TRUB1: variants seen among roughly 807,000 people sequenced by gnomAD.
TRUB1 encodes the protein TruB pseudouridine synthase family member 1.
In TRUB1, 23 loss-of-function variants were observed where a neutral mutation model predicts 33.9. That is an observed-to-expected ratio of 0.68 (90% CI 0.49 to 0.96). The LOEUF (loss-of-function observed/expected upper bound fraction) is 0.96, where lower values mean the gene tolerates loss of function less well. TRUB1 is among the 40% of genes least tolerant of loss of function. TRUB1 has a pLI of 0.00. For missense variants in TRUB1, 378 were observed against 422.2 expected (o/e 0.90, Z 0.92); for synonymous variants, 163 against 165.4 (o/e 0.99, Z 0.11).
In TRUB1 at chr10:114,949,221, T is replaced by C. The variant is rs1034586929; in HGVS notation, c.386-1873T>C. The stretch of plus-strand genomic sequence containing the variant: ...TGTCACAGGTTTCTTTGTTTTTCCA[T>C]TGGAAGTATTCCTCTTGGGATTATG... On this transcript the variant is annotated intron_variant, in intron 2 of 7. Transcript: ENST00000298746. Among the ~76,000 whole-genome samples, 12 of 152,366 alleles carry C rather than the reference T, an allele frequency of 7.9e-5. 1 individual carries two copies. The highest frequency in any genetic ancestry group is 2.9e-4 in the African/African-American group (12 of 41,590).
chr10:114,947,470 A>G (rs1295129021), intron 2 of TRUB1, among the ~76,000 whole-genome samples: 2 of 152,262 alleles, frequency 1.3e-5, no homozygotes, highest in Admixed American at 6.5e-5. Flanking sequence ...TAGAGGTTAT[A>G]GAAACAGTGA....
intron 4 of TRUB1, among the ~76,000 whole-genome samples, chr10:114,967,710 A>G (rs554294724): frequency 1.3e-4 from 20 of 152,252 alleles, no homozygotes; most frequent in African/African-American, 3.8e-4. Flanking sequence ...TACTGTGGAC[A>G]TTTTATTCTG....
At chr10:114,954,646 CT>C (rs111623606) in intron 3 of TRUB1, among the ~76,000 whole-genome samples, 63 of 147,006 alleles carry the variant, frequency 4.3e-4, no homozygotes, top group Middle Eastern at 3.6e-3. Flanking sequence ...TTTCTCAAGT[CT>C]TTTTTTTTTT....
Position 114,974,339 on chromosome 10 carries a change from TGGA to T in TRUB1, c.753_755del (p.Gly252del). ...CTGTTAACATTCCAGATGTTGAATGTGGAGGAGGTTTTTATATCAGAAGCTTGG... is the reference window on the plus strand; with the variant it reads ...CTGTTAACATTCCAGATGTTGAATGTGGAGGTTTTTATATCAGAAGCTTGG... On this transcript the variant is annotated inframe_deletion, in exon 7 of 8. Transcript: ENST00000298746. The T allele has an allele frequency of 6.2e-7, 1 of 1,612,724 alleles. No individual in the cohort carries two copies. The highest frequency in any genetic ancestry group is 1.1e-5 in the South Asian group (1 of 91,006).
chr10:114,970,309 G>C, intron 4 of TRUB1, 59 bp from the exon 5 acceptor site: 1 of 1,234,292 alleles, frequency 8.1e-7, no homozygotes, highest in South Asian at 1.3e-5. Flanking sequence ...TTGGTGCTGT[G>C]AAAATAGTAC....
intron 7 of TRUB1, 139 bp from the exon 8 acceptor site, chr10:114,974,984 T>G: frequency 1.0e-6 from 1 of 959,074 alleles, no homozygotes; most frequent in Non-Finnish European, 1.5e-6. Flanking sequence ...CTGAGGCCTC[T>G]TGGTTCTTAT....
At chr10:114,953,865 C>T (rs1352260602) in intron 3 of TRUB1, among the ~76,000 whole-genome samples, 3 of 152,064 alleles carry the variant, frequency 2.0e-5, no homozygotes, top group Non-Finnish European at 4.4e-5. Context: ...AGCCAGATCT[C>T]GCGTGAACTC....
intron 4 of TRUB1, among the ~76,000 whole-genome samples, chr10:114,967,647 A>G (rs1365818724): frequency 6.6e-6 from 1 of 152,240 alleles, no homozygotes; most frequent in Admixed American, 6.5e-5. Context: ...GTCCTATGAC[A>G]CTTGTACCTC....
Position 114,975,452 on chromosome 10 carries a change from C to A in TRUB1, c.*73C>A. On this transcript the variant is annotated 3_prime_UTR_variant, in exon 8 of 8. Coordinates refer to ENST00000298746, the MANE Select transcript of TRUB1 (RefSeq NM_139169.5). ...TGTGCAGATGCAGAATGACAAGCTG[C>A]ATTCAAAAGACAAACAATATGTCTT... The A allele has an allele frequency of 2.9e-6, 4 of 1,358,470 alleles. No individual in the cohort carries two copies. The highest frequency in any genetic ancestry group is 1.8e-5 in the South Asian group (1 of 56,020). The allele number at this position is 1,358,470 out of a possible 1,614,324, so 84.2% of individuals were successfully genotyped here. A position where few individuals can be genotyped will look rare whatever the true frequency, so the allele number is the denominator to read the frequency against.
rs35333718 is a variant in TRUB1 at position 114,949,896 on chromosome 10, GT to G, written c.386-1179del. Among the ~76,000 whole-genome samples, 1,173 of 125,070 alleles carry G rather than the reference GT, an allele frequency of 9.4e-3. 11 individuals are homozygous for G. Among genetic ancestry groups the G allele is most frequent in the African/African-American group, 0.031 (1,016 of 32,346 alleles). The allele number at this position is 125,070 out of a possible 152,430, so 82.1% of individuals were successfully genotyped here. ...AGGGGTAATTATACTATCTTTTAAAGTTTTTTTTTTTTTTTTTTTGAGACAG... is the reference window on the plus strand; with the variant it reads ...AGGGGTAATTATACTATCTTTTAAAGTTTTTTTTTTTTTTTTTTGAGACAG... On this transcript the variant is annotated intron_variant, in intron 2 of 7. Coordinates refer to ENST00000298746, the MANE Select transcript of TRUB1 (RefSeq NM_139169.5).
chr10:114,941,871 G>C (rs923249849), intron 1 of TRUB1, among the ~76,000 whole-genome samples: 1 of 151,888 alleles, frequency 6.6e-6, no homozygotes, highest in South Asian at 2.1e-4. Flanking sequence ...TGCAAACTCC[G>C]CCTCCCAGGT....
chr10:114,945,832 G>C (rs1194562181), intron 2 of TRUB1, among the ~76,000 whole-genome samples: 1 of 152,154 alleles, frequency 6.6e-6, no homozygotes, highest in African/African-American at 2.4e-5. Flanking sequence ...TATTGTGAAG[G>C]GGCTGAGATT....
At chr10:114,967,890 T>A (rs1249074758) in intron 4 of TRUB1, among the ~76,000 whole-genome samples, 2 of 152,206 alleles carry the variant, frequency 1.3e-5, no homozygotes, top group East Asian at 3.9e-4. Flanking sequence ...GTAGGCTGCC[T>A]AGTAATTCAA....
intron 3 of TRUB1, among the ~76,000 whole-genome samples, chr10:114,955,237 T>A (rs1457853466): frequency 6.6e-6 from 1 of 152,250 alleles, no homozygotes; most frequent in East Asian, 1.9e-4. Flanking sequence ...GCCCCTCTTA[T>A]ATCTTCCCTA....
In TRUB1 at chr10:114,977,467, A is replaced by C. The variant is rs2084366822; in HGVS notation, c.*2088A>C. 2 of 152,028 alleles carry C rather than the reference A, an allele frequency of 1.3e-5. No individual in the cohort carries two copies. The highest frequency in any genetic ancestry group is 4.8e-5 in the African/African-American group (2 of 41,434). The allele number at this position is 152,028 out of a possible 1,614,324, so 9.4% of individuals were successfully genotyped here. A position where few individuals can be genotyped will look rare whatever the true frequency, so the allele number is the denominator to read the frequency against. ...GGGAGGGGGATTATTTAGTGAAATA[A>C]TATGAAGAACTTTATGACTTATGTT... On this transcript the variant is annotated 3_prime_UTR_variant, in exon 8 of 8. Transcript: ENST00000298746.
chr10:114,951,129 A>G lies in TRUB1; in HGVS notation c.421A>G (p.Ser141Gly), dbSNP rs146297259. The G allele has an allele frequency of 1.9e-6, 3 of 1,612,796 alleles. No homozygotes were observed. Among genetic ancestry groups the G allele is most frequent in the African/African-American group, 1.3e-5 (1 of 74,894 alleles). ...GIGSGTKMLT[S>G]MLSGSKRYTA... ...TGGAAGCGGAACAAAAATGTTGACC[A>G]GTATGTTGTCAGGGTCCAAGGTAAG... is the stretch of plus-strand genomic sequence containing the variant. The change falls in exon 3 of 8, where the codon AGT (serine) becomes GGT (glycine). Residue 141 changes from serine (S) to glycine (G), a missense_variant. Coordinates refer to ENST00000298746, the MANE Select transcript of TRUB1 (RefSeq NM_139169.5).
chr10:114,957,432 T>C (rs1235113818), intron 3 of TRUB1, among the ~76,000 whole-genome samples: 1 of 152,252 alleles, frequency 6.6e-6, no homozygotes, highest in Non-Finnish European at 1.5e-5. Flanking sequence ...CTGTGTATCC[T>C]TCCCTAGCAC....
chr10:114,945,154 T>C (rs1464562127), intron 2 of TRUB1, among the ~76,000 whole-genome samples: 1 of 152,218 alleles, frequency 6.6e-6, no homozygotes, highest in African/African-American at 2.4e-5. Flanking sequence ...AGTAACATGT[T>C]CACTGTCATA....
At position 114,974,119 on chromosome 10, in the gene TRUB1, GT is replaced by G. The variant is rs60294681; in HGVS notation, c.737-207del. 1.0e-2 allele frequency among the ~76,000 whole-genome samples: 1,518 copies of G among 152,252 alleles called. 30 individuals are homozygous for G. The highest frequency in any genetic ancestry group is 0.034 in the African/African-American group (1,421 of 41,554). On this transcript the variant is annotated intron_variant, in intron 6 of 7. Coordinates refer to ENST00000298746, the MANE Select transcript of TRUB1 (RefSeq NM_139169.5). ...CAGTTAATTTAAAATGTGTTCATGAGTTTGTGCTGTTTGCTTTCTCCACACT... is the reference window on the plus strand; with the variant it reads ...CAGTTAATTTAAAATGTGTTCATGAGTTGTGCTGTTTGCTTTCTCCACACT...
Sources: allele counts gnomAD v4.1 joint callset (sites outside exome capture counted in the v4.1 genomes callset), GRCh38; gene constraint gnomAD v4.1.1; transcripts MANE v1.5; gene names NCBI Gene and HGNC (gene_info 2026-07-23, HGNC 2026-07-21).